Variants in NXN observed in about 807,000 individuals in gnomAD.
NXN encodes the protein nucleoredoxin 1.
A neutral mutation model predicts 48.6 loss-of-function variants in NXN; 16 were observed. That is an observed-to-expected ratio of 0.33 (90% CI 0.22 to 0.50). The LOEUF (loss-of-function observed/expected upper bound fraction) is 0.50, where lower values mean the gene tolerates loss of function less well. NXN is among the 20% of genes least tolerant of loss of function. The pLI, the probability that NXN is intolerant of heterozygous loss-of-function variation, is 0.98. For missense variants in NXN, 492 were observed against 605.5 expected (o/e 0.81, Z 1.97); for synonymous variants, 281 against 269.6 (o/e 1.04, Z -0.41).
chr17:831,456 C>CATTT lies in NXN; in HGVS notation c.361-5382_361-5379dup, dbSNP rs1555611695. ...ATACTGAGGGCCGACTTTATTTATT[C>CATTT]ATTTATTTATTTATTTATTTATTTA... On this transcript the variant is annotated intron_variant, in intron 1 of 7. Coordinates refer to ENST00000336868, the MANE Select transcript of NXN (RefSeq NM_022463.5). Among the ~76,000 whole-genome samples, 860 of 145,796 alleles carry CATTT rather than the reference C, an allele frequency of 5.9e-3. 3 individuals carry two copies. The highest frequency in any genetic ancestry group is 8.2e-3 in the Non-Finnish European group (544 of 66,220).
At chr17:938,007 T>C (rs1053524219) in intron 1 of NXN, among the ~76,000 whole-genome samples, 1 of 152,158 alleles carries the variant, frequency 6.6e-6, no homozygotes, top group Non-Finnish European at 1.5e-5. Flanking sequence ...GGCTTCTGCT[T>C]TTGGTACAAG....
intron 1 of NXN, chr17:863,941 C>A (rs2068067337): frequency 6.6e-7 from 1 of 1,520,176 alleles, no homozygotes; most frequent in African/African-American, 1.4e-5. Context: ...CCCAGATCAG[C>A]AGCAGCAATG....
At chr17:864,489 C>A (rs938481897) in intron 1 of NXN, among the ~76,000 whole-genome samples, 50 of 152,340 alleles carry the variant, frequency 3.3e-4, no homozygotes, top group African/African-American at 1.2e-3. Flanking sequence ...AATCGAGGAA[C>A]AAAGTGGGCT....
chr17:923,618 T>C (rs1218911502), intron 1 of NXN, among the ~76,000 whole-genome samples: 1 of 152,234 alleles, frequency 6.6e-6, no homozygotes, highest in Non-Finnish European at 1.5e-5. Context: ...ATATAGTCAC[T>C]ATTTGCAGAC....
At chr17:940,646 G>A (rs2068961941) in intron 1 of NXN, among the ~76,000 whole-genome samples, 1 of 152,086 alleles carries the variant, frequency 6.6e-6, no homozygotes, top group Non-Finnish European at 1.5e-5. Context: ...GCACAGCCAT[G>A]AACTCACATC....
At chr17:959,154 T>C in intron 1 of NXN, 1 of 632,300 alleles carries the variant, frequency 1.6e-6, no homozygotes. Flanking sequence ...CGAGCGCCCC[T>C]ACGGAAGGCT....
chr17:937,962 G>A (rs536224392), intron 1 of NXN, among the ~76,000 whole-genome samples: 2 of 152,376 alleles, frequency 1.3e-5, no homozygotes, highest in South Asian at 4.1e-4. Context: ...AGGAGCCACG[G>A]GGCGCAGGGG....
intron 1 of NXN, among the ~76,000 whole-genome samples, chr17:865,887 G>T (rs2068090677): frequency 6.6e-6 from 1 of 152,126 alleles, no homozygotes; most frequent in African/African-American, 2.4e-5. Flanking sequence ...GGAGGCTGAG[G>T]CAGGAGAATC....
At chr17:957,197 T>G (rs542732033) in intron 1 of NXN, among the ~76,000 whole-genome samples, 1 of 152,176 alleles carries the variant, frequency 6.6e-6, no homozygotes, top group Non-Finnish European at 1.5e-5. Context: ...ACATCTGGCT[T>G]GAGAGCGTCC....
chr17:848,811 C>T lies in NXN; in HGVS notation c.361-22733G>A, dbSNP rs145358363. ...GGCCCTGGATGTCAGATGCATCAGA[C>T]AGAGAGGCTGAAGTGTGGTCTGAGG... On this transcript the variant is annotated intron_variant, in intron 1 of 7. Transcript: ENST00000336868. 7.5e-3 allele frequency among the ~76,000 whole-genome samples: 1,147 copies of T among 152,296 alleles called. 4 individuals carry two copies. Among genetic ancestry groups the T allele is most frequent in the Non-Finnish European group, 0.011 (772 of 68,034 alleles).
rs190892617 is a variant in NXN at position 978,025 on chromosome 17, G to A, written c.360+1294C>T. Among the ~76,000 whole-genome samples the A allele has an allele frequency of 2.0e-5, 3 of 152,240 alleles. No homozygotes were observed. The East Asian group carries it at 5.8e-4, about 29-fold the overall frequency. On this transcript the variant is annotated intron_variant, in intron 1 of 7. Coordinates refer to ENST00000336868, the MANE Select transcript of NXN (RefSeq NM_022463.5). The surrounding 1 kb of genome is among the most constrained non-coding windows in gnomAD (Gnocchi z 4.1). ...TCGAATCTCTACCTCCCACTGCTTCGGGATGGATGATTTACTCAAGACATT... is the reference window on the plus strand; with the variant it reads ...TCGAATCTCTACCTCCCACTGCTTCAGGATGGATGATTTACTCAAGACATT...
At chr17:909,669 G>C (rs1432369549) in intron 1 of NXN, 1 of 151,888 alleles carries the variant, frequency 6.6e-6, no homozygotes, top group Non-Finnish European at 1.5e-5. Flanking sequence ...CTCCCGAGTA[G>C]CTGGGGTTAC....
chr17:801,045 G>C lies in NXN; in HGVS notation c.1212C>G (p.Ala404=). The C allele has an allele frequency of 6.3e-7, 1 of 1,577,850 alleles. No homozygotes were observed. The highest frequency in any genetic ancestry group is 8.6e-7 in the Non-Finnish European group (1 of 1,160,996). Residue 404 remains alanine (A), a synonymous_variant, in exon 8 of 8, where the codon GCC becomes GCG. Transcript: ENST00000336868. ...LLTILDMSAR[A]KYVMDVEEIT... Reference sequence around the variant, plus strand: ...TCTCCTCCACGTCCATCACGTACTTGGCCCGGGCTGACATGTCCAGGATGG... The same window carrying C: ...TCTCCTCCACGTCCATCACGTACTTCGCCCGGGCTGACATGTCCAGGATGG...
chr17:933,610 C>T (rs947687385), intron 1 of NXN, among the ~76,000 whole-genome samples: 6 of 151,870 alleles, frequency 4.0e-5, no homozygotes, highest in South Asian at 2.1e-4. Flanking sequence ...AACTCCCCAC[C>T]GCAACACCAA....
chr17:827,328 A>C (rs182995896), intron 1 of NXN, among the ~76,000 whole-genome samples: 1 of 151,810 alleles, frequency 6.6e-6, no homozygotes, highest in Non-Finnish European at 1.5e-5. Context: ...AATACAAAAA[A>C]TTAGCTGGAC....
chr17:897,056 C>T (rs3913119), intron 1 of NXN: 209,560 of 1,064,618 alleles, frequency 0.2, 21,279 homozygotes, highest in Middle Eastern at 0.34. Flanking sequence ...CTGTCACACA[C>T]GCGTGAGCTT....
At chr17:916,117 T>A (rs978718697) in intron 1 of NXN, among the ~76,000 whole-genome samples, 1 of 152,230 alleles carries the variant, frequency 6.6e-6, no homozygotes, top group East Asian at 1.9e-4. Context: ...ATGATTGTAT[T>A]TGAATTGCTT....
intron 1 of NXN, among the ~76,000 whole-genome samples, chr17:840,433 G>A (rs1372839230): frequency 3.3e-5 from 5 of 151,912 alleles, no homozygotes; most frequent in Admixed American, 6.5e-5. Flanking sequence ...TCCACCTCCC[G>A]GGTTCACACC....
At chr17:835,706 G>GC (rs67695828) in intron 1 of NXN, among the ~76,000 whole-genome samples, 19,801 of 107,300 alleles carry the variant, frequency 0.18, 1,677 homozygotes, top group African/African-American at 0.24. Flanking sequence ...GGATTCGTCA[G>GC]CCTCATAGAG....
Sources: allele counts gnomAD v4.1 joint callset (sites outside exome capture counted in the v4.1 genomes callset), GRCh38; gene constraint gnomAD v4.1.1; non-coding constraint Gnocchi (gnomAD v3.1); transcripts MANE v1.5; gene names NCBI Gene and HGNC (gene_info 2026-07-23, HGNC 2026-07-21).